DRC5: variants seen among roughly 807,000 people sequenced by gnomAD.
The protein encoded by DRC5 is dynein regulatory complex subunit 5, also known as T-complex-associated testis-expressed protein 1.
At chr6:44,284,757 C>T in the DRC5 span, among the ~76,000 whole-genome samples, 1 of 152,200 alleles carries the variant, frequency 6.6e-6, no homozygotes, top group African/African-American at 2.4e-5. Context: ...TGTGTTGACT[C>T]TCTCCACTCC....
the DRC5 span, chr6:44,279,712 C>G: frequency 1.3e-5 from 2 of 150,680 alleles, no homozygotes; most frequent in Non-Finnish European, 2.8e-5. Flanking sequence ...ATGAGGGTGG[C>G]AGAGAGAGCC....
At chr6:44,288,993 CAAAAAAAAAAAAAA>C in the DRC5 span, among the ~76,000 whole-genome samples, 53 of 32,828 alleles carry the variant, frequency 1.6e-3, no homozygotes, top group Admixed American at 3.9e-3. Flanking sequence ...GACTCTGTCT[CAAAAAAAAAAAAAA>C]AAAAAAAAAA....
the DRC5 span, chr6:44,286,674 G>C: frequency 1.3e-5 from 9 of 713,628 alleles, no homozygotes; most frequent in African/African-American, 1.6e-4. Context: ...TCTGCTCTCA[G>C]GGGGGCTCAA....
the DRC5 span, chr6:44,286,091 A>T: frequency 6.2e-7 from 1 of 1,614,176 alleles, no homozygotes; most frequent in Non-Finnish European, 8.5e-7. Context: ...CAGCTCCTCC[A>T]GGTGGCTCAG....
At chr6:44,282,359 G>A in the DRC5 span, 44 of 1,614,086 alleles carry the variant, frequency 2.7e-5, no homozygotes, top group African/African-American at 1.3e-4. Flanking sequence ...ACTGGGCACC[G>A]GGTGCACGCA....
At chr6:44,294,824 A>G in the DRC5 span, among the ~76,000 whole-genome samples, 1 of 151,040 alleles carries the variant, frequency 6.6e-6, no homozygotes, top group African/African-American at 2.4e-5. Context: ...AGGCAAGGAG[A>G]ATAACCACAG....
the DRC5 span, chr6:44,287,797 A>G: frequency 6.2e-7 from 1 of 1,614,132 alleles, no homozygotes; most frequent in Non-Finnish European, 8.5e-7. Flanking sequence ...GGGGTCCAAC[A>G]ATGCTGATGT....
chr6:44,285,095 T>C, the DRC5 span, among the ~76,000 whole-genome samples: 1 of 152,190 alleles, frequency 6.6e-6, no homozygotes, highest in Non-Finnish European at 1.5e-5. Flanking sequence ...ACTCTGCCCA[T>C]AGAGCCTGTA....
the DRC5 span, among the ~76,000 whole-genome samples, chr6:44,293,019 C>T: frequency 6.6e-6 from 1 of 152,142 alleles, no homozygotes; most frequent in African/African-American, 2.4e-5. Context: ...CCAAAAGGTC[C>T]TGCCCCATTT....
chr6:44,279,972 A>T, the DRC5 span: 1 of 480,982 alleles, frequency 2.1e-6, no homozygotes, highest in South Asian at 3.7e-5. Context: ...CTGGGCACAA[A>T]GGCTGGGTCC....
At chr6:44,295,287 C>T in the DRC5 span, among the ~76,000 whole-genome samples, 2 of 152,170 alleles carry the variant, frequency 1.3e-5, no homozygotes, top group Non-Finnish European at 2.9e-5. Context: ...GCTGCGCTCT[C>T]AGAGGGGGAA....
the DRC5 span, among the ~76,000 whole-genome samples, chr6:44,290,186 G>T: frequency 6.6e-6 from 1 of 151,934 alleles, no homozygotes. Flanking sequence ...GGCTGGAGGG[G>T]GTTGCTGCTT....
At chr6:44,286,182 C>A in the DRC5 span, 1 of 1,612,136 alleles carries the variant, frequency 6.2e-7, no homozygotes, top group East Asian at 2.2e-5. Context: ...TCGGACTGGT[C>A]GCCCGGCCGG....
At chr6:44,284,617 A>G in the DRC5 span, among the ~76,000 whole-genome samples, 1 of 152,124 alleles carries the variant, frequency 6.6e-6, no homozygotes, top group Non-Finnish European at 1.5e-5. Flanking sequence ...GTCTCTGCAC[A>G]TGGTCCCTCC....
At chr6:44,287,461 C>T in the DRC5 span, 1 of 1,372,312 alleles carries the variant, frequency 7.3e-7, no homozygotes, top group Admixed American at 2.1e-5. Flanking sequence ...CAGGACCCAG[C>T]TTCTGCAGTC....
At chr6:44,281,165 A>AC in the DRC5 span, among the ~76,000 whole-genome samples, 1 of 151,966 alleles carries the variant, frequency 6.6e-6, no homozygotes, top group Non-Finnish European at 1.5e-5. Context: ...CACAGCTCCA[A>AC]CCCCTGCTGG....
the DRC5 span, among the ~76,000 whole-genome samples, chr6:44,292,470 A>C: frequency 6.6e-6 from 1 of 152,012 alleles, no homozygotes; most frequent in Non-Finnish European, 1.5e-5. Context: ...CCCGTTCCCC[A>C]CACCCACACT....
the DRC5 span, chr6:44,285,848 G>T: frequency 2.0e-6 from 2 of 1,020,906 alleles, no homozygotes; most frequent in Non-Finnish European, 2.9e-6. Context: ...AAAAACACTT[G>T]GCCAATGAAA....
chr6:44,284,960 G>A, the DRC5 span, among the ~76,000 whole-genome samples: 2 of 152,194 alleles, frequency 1.3e-5, no homozygotes, highest in African/African-American at 4.8e-5. Flanking sequence ...CTTGGATGGT[G>A]TCCCAGAGCT....
Sources: allele counts gnomAD v4.1 joint callset (sites outside exome capture counted in the v4.1 genomes callset), GRCh38; gene constraint gnomAD v4.1.1; transcripts MANE v1.5; gene names NCBI Gene and HGNC (gene_info 2026-07-23, HGNC 2026-07-21).